Variants in FOXJ3 observed in about 807,000 individuals in gnomAD.
FOXJ3 encodes the protein forkhead box J3.
Under a neutral mutation model 76.1 loss-of-function variants are expected in FOXJ3, and 22 were observed. The ratio of observed to expected loss-of-function variants is 0.29; its 90% CI spans 0.21 to 0.41. The LOEUF is 0.41. Among genes scored for constraint, FOXJ3 ranks in the 10% least tolerant of loss-of-function variants. FOXJ3 has a pLI of 1.00. For synonymous variants in FOXJ3, 269 were observed against 261.2 expected (o/e 1.03, Z -0.29); for missense variants, 613 against 762.1 (o/e 0.80, Z 2.30).
intron 6 of FOXJ3, among the ~76,000 whole-genome samples, chr1:42,202,894 T>A (rs1348890830): frequency 6.6e-6 from 1 of 152,232 alleles, no homozygotes; most frequent in Non-Finnish European, 1.5e-5. Context: ...CTGCATATTC[T>A]ATGAGTTACA....
chr1:42,216,123 A>G (rs919620682), intron 5 of FOXJ3, among the ~76,000 whole-genome samples: 1 of 152,198 alleles, frequency 6.6e-6, no homozygotes, highest in African/African-American at 2.4e-5. Flanking sequence ...GACCTGCACT[A>G]TAAGAAAGTT....
intron 4 of FOXJ3, chr1:42,264,909 CA>C (rs1651351008): frequency 2.1e-6 from 1 of 487,628 alleles, no homozygotes. Flanking sequence ...TTAGAAACAG[CA>C]AAGTACAACA....
intron 4 of FOXJ3, among the ~76,000 whole-genome samples, chr1:42,263,364 T>C (rs918756628): frequency 2.6e-5 from 4 of 152,170 alleles, no homozygotes; most frequent in East Asian, 1.9e-4. Flanking sequence ...AGAACCCAAA[T>C]AGTAACTTCA....
chr1:42,231,152 T>TA (rs34865801), intron 4 of FOXJ3, among the ~76,000 whole-genome samples: 47 of 145,080 alleles, frequency 3.2e-4, no homozygotes, highest in East Asian at 1.0e-3. Context: ...CGTCTCTACT[T>TA]AAAAAAAAAA....
At chr1:42,330,873 T>C (rs1656118311) in intron 1 of FOXJ3, among the ~76,000 whole-genome samples, 1 of 152,146 alleles carries the variant, frequency 6.6e-6, no homozygotes, top group Non-Finnish European at 1.5e-5. Flanking sequence ...TATTCTGCCT[T>C]TATCACAGGG....
chr1:42,324,237 CACACTATATAT>C (rs199707135), intron 1 of FOXJ3, among the ~76,000 whole-genome samples: 87,306 of 131,510 alleles, frequency 0.66, 29,570 homozygotes, highest in Admixed American at 0.77. Context: ...GGAATATATA[CACACTATATAT>C]ACACTATATA....
chr1:42,315,568 T>C (rs866146385), intron 1 of FOXJ3: 41 of 195,162 alleles, frequency 2.1e-4, no homozygotes, highest in Admixed American at 6.5e-4. Flanking sequence ...AGTTCCAGTG[T>C]TATTCATTTT....
intron 4 of FOXJ3, among the ~76,000 whole-genome samples, chr1:42,244,009 C>A (rs935331195): frequency 6.6e-6 from 1 of 152,006 alleles, no homozygotes; most frequent in Non-Finnish European, 1.5e-5. Flanking sequence ...AAAGCAACAA[C>A]AAGAGGAACT....
intron 1 of FOXJ3, among the ~76,000 whole-genome samples, chr1:42,320,071 C>G (rs984057630): frequency 3.3e-5 from 5 of 152,076 alleles, no homozygotes; most frequent in Admixed American, 2.0e-4. Flanking sequence ...TAAAACAAGA[C>G]CAGGGGCAGG....
chr1:42,220,649 G>A (rs900747250), intron 5 of FOXJ3, among the ~76,000 whole-genome samples: 3 of 152,162 alleles, frequency 2.0e-5, no homozygotes, highest in Non-Finnish European at 4.4e-5. Flanking sequence ...AGGAAGAACC[G>A]ATGGATAAAC....
At chr1:42,259,527 A>T (rs572340660) in intron 4 of FOXJ3, among the ~76,000 whole-genome samples, 176 of 152,326 alleles carry the variant, frequency 1.2e-3, no homozygotes, top group African/African-American at 3.9e-3. Flanking sequence ...CTGCAACCAC[A>T]CTGCTCAAAC....
chr1:42,223,468 T>G (rs1024345835), intron 5 of FOXJ3, among the ~76,000 whole-genome samples: 1 of 152,186 alleles, frequency 6.6e-6, no homozygotes, highest in African/African-American at 2.4e-5. Context: ...ATTTAAACGG[T>G]CTTCAATTAT....
At chr1:42,263,108 G>A (rs925869482) in intron 4 of FOXJ3, among the ~76,000 whole-genome samples, 4 of 152,018 alleles carry the variant, frequency 2.6e-5, no homozygotes, top group African/African-American at 9.7e-5. Context: ...TGAGAATCCT[G>A]ATTCAAAAAG....
intron 9 of FOXJ3, 127 bp downstream of exon 9, chr1:42,191,176 T>G (rs1285022560): frequency 1.2e-6 from 1 of 869,218 alleles, no homozygotes; most frequent in Non-Finnish European, 1.7e-6. Flanking sequence ...GAGTTACAAC[T>G]ATAGGATTAT....
At chr1:42,227,179 C>T (rs563054766) in intron 5 of FOXJ3, among the ~76,000 whole-genome samples, 80 of 152,184 alleles carry the variant, frequency 5.3e-4, no homozygotes, top group Middle Eastern at 3.4e-3. Context: ...AGAGAGTAAG[C>T]GAAGCTTCAC....
intron 1 of FOXJ3, among the ~76,000 whole-genome samples, chr1:42,332,120 C>A (rs1471619424): frequency 6.6e-6 from 1 of 152,184 alleles, no homozygotes; most frequent in Non-Finnish European, 1.5e-5. Flanking sequence ...ACACCCTGCC[C>A]TTGTAGAAAA....
intron 4 of FOXJ3, among the ~76,000 whole-genome samples, chr1:42,255,805 A>C (rs954450371): frequency 2.0e-5 from 3 of 152,056 alleles, no homozygotes; most frequent in Non-Finnish European, 4.4e-5. Context: ...GGCAGATCAC[A>C]AGGTCAGGAG....
chr1:42,202,558 A>G (rs1216018676), intron 6 of FOXJ3, among the ~76,000 whole-genome samples: 3 of 152,036 alleles, frequency 2.0e-5, no homozygotes, highest in East Asian at 1.9e-4. Context: ...ATGTAAAGCC[A>G]TTTTTTTTCT....
intron 7 of FOXJ3, among the ~76,000 whole-genome samples, chr1:42,198,420 C>T (rs140817400): frequency 1.5e-3 from 225 of 152,278 alleles, no homozygotes; most frequent in African/African-American, 5.0e-3. Context: ...CCTGGAACAA[C>T]AGGGAGTGAC....
Sources: gnomAD v4.1 joint callset for allele counts (sites outside exome capture counted in the v4.1 genomes callset) on GRCh38, gnomAD v4.1.1 for gene constraint, MANE v1.5 for transcripts, NCBI Gene and HGNC (gene_info 2026-07-23, HGNC 2026-07-21) for gene names.